G3BP2: variants seen among roughly 807,000 people sequenced by gnomAD.
G3BP2 encodes ras GTPase-activating protein-binding protein 2.
Under a neutral mutation model 56.7 loss-of-function variants are expected in G3BP2, and 11 were observed. That is an observed-to-expected ratio of 0.19 (90% CI 0.12 to 0.32). The LOEUF (loss-of-function observed/expected upper bound fraction) is 0.32, where lower values mean the gene tolerates loss of function less well. G3BP2 is among the 10% of genes least tolerant of loss of function. The pLI is 1.00. For synonymous variants in G3BP2, 165 were observed against 191.6 expected, an observed-to-expected ratio of 0.86 and a Z score of 1.15; for missense variants, 340 against 610.9, an observed-to-expected ratio of 0.56 and a Z score of 4.67.
At chr4:75,721,858 G>T (rs1481055897) in intron 2 of G3BP2, among the ~76,000 whole-genome samples, 1 of 152,122 alleles carries the variant, frequency 6.6e-6, no homozygotes, top group Non-Finnish European at 1.5e-5. Context: ...TTTAGAAAAA[G>T]ATCACTCTTA....
intron 3 of G3BP2, among the ~76,000 whole-genome samples, chr4:75,687,956 G>A (rs186193924): frequency 9.2e-5 from 14 of 152,324 alleles, no homozygotes; most frequent in African/African-American, 3.1e-4. Flanking sequence ...TATATAAAAT[G>A]CATAATGTTT....
chr4:75,684,276 G>A (rs1383570888), intron 3 of G3BP2, among the ~76,000 whole-genome samples: 1 of 151,994 alleles, frequency 6.6e-6, no homozygotes, highest in East Asian at 1.9e-4. Flanking sequence ...ATGGTGGCAT[G>A]TGCCTGTAGT....
chr4:75,667,219 G>T (rs1185184210), intron 1 of G3BP2, among the ~76,000 whole-genome samples: 2 of 150,356 alleles, frequency 1.3e-5, no homozygotes, highest in African/African-American at 4.9e-5. Flanking sequence ...AGCCCGGGAA[G>T]TCAAGGCTGC....
intron 9 of G3BP2, among the ~76,000 whole-genome samples, chr4:75,648,365 C>CAAA (rs35170246): frequency 2.1e-5 from 3 of 142,566 alleles, no homozygotes; most frequent in Admixed American, 7.1e-5. Context: ...AACAAACAAA[C>CAAA]AAAAAAAAAA....
intron 3 of G3BP2, among the ~76,000 whole-genome samples, chr4:75,700,427 CT>C (rs370845226): frequency 0.059 from 670 of 11,404 alleles, 13 homozygotes; most frequent in African/African-American, 0.16. Context: ...TTCTTTCTTT[CT>C]TTTTTTTTTT....
intron 3 of G3BP2, among the ~76,000 whole-genome samples, chr4:75,692,779 A>T (rs1321610183): frequency 6.6e-6 from 1 of 152,200 alleles, no homozygotes; most frequent in Non-Finnish European, 1.5e-5. Flanking sequence ...GCTATGAAGA[A>T]AAAAAGGAAA....
chr4:75,694,938 G>C, intron 3 of G3BP2: 1 of 985,494 alleles, frequency 1.0e-6, no homozygotes, highest in Non-Finnish European at 1.2e-6. Flanking sequence ...AACTGGAGCA[G>C]CAAGACAAGA....
chr4:75,670,013 G>C (rs577229093), intron 1 of G3BP2, among the ~76,000 whole-genome samples: 14 of 152,226 alleles, frequency 9.2e-5, no homozygotes, highest in Non-Finnish European at 1.8e-4. Context: ...AGAATCGCTT[G>C]AACCCGGGGG....
chr4:75,685,591 T>C (rs115432340), intron 3 of G3BP2, among the ~76,000 whole-genome samples: 340 of 152,232 alleles, frequency 2.2e-3, no homozygotes, highest in Admixed American at 4.2e-3. Context: ...ACCTATATGA[T>C]GCTAGGCAAG....
At chr4:75,713,423 A>T (rs903993216) in intron 3 of G3BP2, among the ~76,000 whole-genome samples, 1 of 152,208 alleles carries the variant, frequency 6.6e-6, no homozygotes, top group African/African-American at 2.4e-5. Context: ...ACTAATTACA[A>T]GGGGAAAAAA....
chr4:75,678,571 T>G (rs1235668398), intron 3 of G3BP2, among the ~76,000 whole-genome samples: 1 of 152,212 alleles, frequency 6.6e-6, no homozygotes, highest in Non-Finnish European at 1.5e-5. Context: ...TCCCCACTAC[T>G]TGGGAAGCTG....
At chr4:75,664,196 A>T (rs891577287) in intron 1 of G3BP2, among the ~76,000 whole-genome samples, 1 of 151,802 alleles carries the variant, frequency 6.6e-6, no homozygotes, top group African/African-American at 2.4e-5. Flanking sequence ...GTTTTATTTT[A>T]AAAAGACCTA....
intron 3 of G3BP2, among the ~76,000 whole-genome samples, chr4:75,702,171 ATTT>A (rs57529973): frequency 1.2e-4 from 13 of 107,472 alleles, no homozygotes; most frequent in East Asian, 3.0e-4. Context: ...AAACCCCCCA[ATTT>A]TTTTTTTTTT....
Position 75,688,541 on chromosome 4 carries a change from G to A in G3BP2, c.-24-26492C>T, listed in dbSNP as rs538216499. 1.3e-3 allele frequency among the ~76,000 whole-genome samples: 198 copies of A among 152,286 alleles called. 2 individuals are homozygous for A. Among genetic ancestry groups the A allele is most frequent in the Non-Finnish European group, 9.0e-4 (61 of 68,032 alleles). Reference sequence around the variant, plus strand: ...CAATCTCATAACCCAGTCACTCTGTGAGCAACTGAGACTTATTTTGGGGAA... The same window carrying A: ...CAATCTCATAACCCAGTCACTCTGTAAGCAACTGAGACTTATTTTGGGGAA... On this transcript the variant is annotated intron_variant, in intron 3 of 3. Transcript: ENST00000499709.
At chr4:75,709,283 G>C (rs578032851) in intron 3 of G3BP2, among the ~76,000 whole-genome samples, 1 of 151,854 alleles carries the variant, frequency 6.6e-6, no homozygotes, top group East Asian at 1.9e-4. Context: ...AGCCAGGTGC[G>C]GTGGTTGGCC....
intron 8 of G3BP2, among the ~76,000 whole-genome samples, chr4:75,651,366 A>C (rs1320795083): frequency 2.0e-5 from 3 of 152,256 alleles, no homozygotes; most frequent in African/African-American, 7.2e-5. Context: ...TCAAAACACG[A>C]GTAACTACAA....
chr4:75,689,520 C>T (rs776780029), intron 3 of G3BP2, among the ~76,000 whole-genome samples: 55 of 152,164 alleles, frequency 3.6e-4, no homozygotes, highest in Non-Finnish European at 6.0e-4. Flanking sequence ...TTTAATACTG[C>T]TATTCTCTTT....
upstream of G3BP2, among the ~76,000 whole-genome samples, chr4:75,675,993 C>G (rs1733862496): frequency 6.6e-6 from 1 of 152,156 alleles, no homozygotes; most frequent in Non-Finnish European, 1.5e-5. Context: ...CTCAGGTAAC[C>G]CTGCTCTTGA....
Position 75,645,454 on chromosome 4 carries a change from G to T in G3BP2, c.1425C>A (p.Gly475=). ...TTCAGCGACGCTGTCCTGTGAAGCG[G>T]CCCTCCATTTGCCCGGTTCCTCTTC... ...GSGRGTGQME[G]RFTGQRR The change falls in exon 12 of 12, where the codon GGC becomes GGA. Residue 475 remains glycine (G), a synonymous_variant. Coordinates refer to ENST00000359707, the MANE Select transcript of G3BP2 (RefSeq NM_203505.3). 1 of 1,613,912 alleles carries T rather than the reference G, an allele frequency of 6.2e-7. No individual in the cohort carries two copies. The highest frequency in any genetic ancestry group is 8.5e-7 in the Non-Finnish European group (1 of 1,179,932).
Sources: allele counts gnomAD v4.1 joint callset (sites outside exome capture counted in the v4.1 genomes callset), GRCh38; gene constraint gnomAD v4.1.1; transcripts MANE v1.5; gene names NCBI Gene and HGNC (gene_info 2026-07-23, HGNC 2026-07-21).